PCDH7: variants seen among roughly 807,000 people sequenced by gnomAD.
PCDH7 encodes the protein protocadherin 7.
Under a neutral mutation model 58.9 loss-of-function variants are expected in PCDH7, and 17 were observed. The observed-to-expected ratio is 0.29, with a 90% CI of 0.20 to 0.43. The LOEUF (loss-of-function observed/expected upper bound fraction) is 0.43. Ranked by LOEUF, PCDH7 falls within the 20% of genes least tolerant of loss-of-function variation. The pLI is 1.00. For missense variants in PCDH7, 1,274 were observed against 1,441.0 expected, an observed-to-expected ratio of 0.88 and a Z score of 1.88; for synonymous variants, 664 against 616.4, an observed-to-expected ratio of 1.08 and a Z score of -1.14.
At chr4:31,077,267 G>A (rs567127010) in intron 3 of PCDH7, among the ~76,000 whole-genome samples, 6 of 151,790 alleles carry the variant, frequency 4.0e-5, no homozygotes, top group South Asian at 2.1e-4. Flanking sequence ...AAAATTAGCC[G>A]GGCGTGTGGT....
chr4:30,957,659 A>T (rs1206341031), intron 3 of PCDH7, among the ~76,000 whole-genome samples: 3 of 152,146 alleles, frequency 2.0e-5, no homozygotes, highest in Non-Finnish European at 2.9e-5. Context: ...TATACTATCA[A>T]TGACTTTTCT....
intron 2 of PCDH7, among the ~76,000 whole-genome samples, chr4:30,930,540 G>C (rs1272626242): frequency 6.6e-6 from 1 of 152,188 alleles, no homozygotes; most frequent in Non-Finnish European, 1.5e-5. Context: ...TTTGGCACCA[G>C]ATAAGTGACG....
At chr4:30,832,904 A>G (rs1056113364) in intron 1 of PCDH7, among the ~76,000 whole-genome samples, 1 of 152,180 alleles carries the variant, frequency 6.6e-6, no homozygotes, top group African/African-American at 2.4e-5. Context: ...GGCAGGTCGA[A>G]ATACTCAGTG....
chr4:30,942,236 A>G (rs1746129457), intron 2 of PCDH7, among the ~76,000 whole-genome samples: 1 of 151,920 alleles, frequency 6.6e-6, no homozygotes, highest in African/African-American at 2.4e-5. Context: ...TTAATATTTT[A>G]TTTATTTTTT....
intron 1 of PCDH7, among the ~76,000 whole-genome samples, chr4:30,768,337 C>A (rs939528702): frequency 1.4e-4 from 21 of 152,180 alleles, no homozygotes; most frequent in African/African-American, 4.8e-4. Context: ...AAGTAGTATG[C>A]TTTCACTTGC....
At chr4:31,014,145 GA>G (rs1391439978) in intron 3 of PCDH7, among the ~76,000 whole-genome samples, 1 of 151,108 alleles carries the variant, frequency 6.6e-6, no homozygotes, top group Non-Finnish European at 1.5e-5. Flanking sequence ...CATTGCTATA[GA>G]AAAAAAAGGA....
downstream of PCDH7, among the ~76,000 whole-genome samples, chr4:30,736,579 G>A (rs1716313586): frequency 6.8e-6 from 1 of 147,800 alleles, no homozygotes; most frequent in South Asian, 2.1e-4. Flanking sequence ...TCTGCCGCCG[G>A]GGCTGGAGTG....
At chr4:30,991,316 A>G (rs1024074573) in intron 3 of PCDH7, among the ~76,000 whole-genome samples, 7 of 152,204 alleles carry the variant, frequency 4.6e-5, no homozygotes, top group African/African-American at 1.7e-4. Context: ...CAACATTCCC[A>G]CTGGATCCTA....
chr4:30,969,755 C>T (rs1015404882), intron 3 of PCDH7, among the ~76,000 whole-genome samples: 4 of 152,070 alleles, frequency 2.6e-5, no homozygotes, highest in Admixed American at 6.6e-5. Context: ...GTAAATGGAA[C>T]AAAATTCAAA....
At chr4:31,009,007 G>A (rs540775793) in intron 3 of PCDH7, among the ~76,000 whole-genome samples, 3 of 152,098 alleles carry the variant, frequency 2.0e-5, no homozygotes, top group East Asian at 1.9e-4. Flanking sequence ...CTGTGAAACC[G>A]TTCAGCCAAT....
chr4:30,933,037 T>C (rs60203025), intron 2 of PCDH7, among the ~76,000 whole-genome samples: 146 of 148,170 alleles, frequency 9.9e-4, no homozygotes, highest in African/African-American at 2.7e-3. Context: ...TTCTTTCTTT[T>C]TTTTTTTTGA....
intron 3 of PCDH7, among the ~76,000 whole-genome samples, chr4:31,020,932 C>T (rs1292531214): frequency 6.6e-6 from 1 of 152,094 alleles, no homozygotes; most frequent in African/African-American, 2.4e-5. Context: ...TCTCCTCCTC[C>T]GTTTTCTTTA....
chr4:30,821,960 G>A (rs1440241318), intron 1 of PCDH7, among the ~76,000 whole-genome samples: 3 of 152,146 alleles, frequency 2.0e-5, no homozygotes, highest in African/African-American at 7.2e-5. Flanking sequence ...TCGATGCTCA[G>A]TTTTTATTAA....
intron 3 of PCDH7, among the ~76,000 whole-genome samples, chr4:31,041,514 G>T (rs1417534515): frequency 6.6e-6 from 1 of 152,056 alleles, no homozygotes; most frequent in African/African-American, 2.4e-5. Context: ...CTAAGTGCTG[G>T]AAGTCATGCA....
At chr4:31,088,307 T>C (rs1184948442) in intron 3 of PCDH7, among the ~76,000 whole-genome samples, 1 of 152,060 alleles carries the variant, frequency 6.6e-6, no homozygotes, top group African/African-American at 2.4e-5. Context: ...TTTTGGGAGA[T>C]GTATATGACT....
chr4:31,119,500 G>A (rs568534377), intron 3 of PCDH7, among the ~76,000 whole-genome samples: 74 of 149,744 alleles, frequency 4.9e-4, no homozygotes, highest in African/African-American at 1.8e-3. Flanking sequence ...GCATAAGGCA[G>A]AAGAAGTGAC....
rs185082921 is a variant in PCDH7, at chr4:31,035,545, C to T, written c.*7+85330C>T. 3.3e-5 allele frequency among the ~76,000 whole-genome samples: 5 copies of T among 152,162 alleles called. 1 individual carries two copies. The South Asian group carries it at 6.2e-4, about 19-fold the overall frequency. On this transcript the variant is annotated intron_variant, in intron 3 of 3. Coordinates refer to the PCDH7 transcript ENST00000509759. ...CTGGGATCACAGGCTTGAGCCACAG[C>T]GTCGGCCACATCTATGTTTCTTAAT...
intron 3 of PCDH7, among the ~76,000 whole-genome samples, chr4:31,069,291 T>C (rs1758345679): frequency 6.6e-6 from 1 of 152,014 alleles, no homozygotes; most frequent in Non-Finnish European, 1.5e-5. Flanking sequence ...ACTTGCTTTA[T>C]TCTGGTGAAA....
At chr4:30,963,777 A>G (rs953819040) in intron 3 of PCDH7, among the ~76,000 whole-genome samples, 3 of 152,184 alleles carry the variant, frequency 2.0e-5, no homozygotes, top group African/African-American at 7.2e-5. Context: ...CTCATTTCCA[A>G]AATAACTTTT....
Sources: allele counts gnomAD v4.1 joint callset (sites outside exome capture counted in the v4.1 genomes callset), GRCh38; gene constraint gnomAD v4.1.1; transcripts MANE v1.5; gene names NCBI Gene and HGNC (gene_info 2026-07-23, HGNC 2026-07-21).